The following ITGA8 variants were observed in gnomAD, a reference collection of about 807,000 sequenced individuals.
The protein encoded by ITGA8 is integrin subunit alpha 8, also known as integrin alpha-8.
Under a neutral mutation model 142.3 loss-of-function variants are expected in ITGA8, and 91 were observed. That is an observed-to-expected ratio of 0.64 (90% CI 0.54 to 0.76). ITGA8 has a LOEUF of 0.76. Among genes scored for constraint, ITGA8 ranks in the 30% least tolerant of loss-of-function variants. The pLI is 0.00. For synonymous variants in ITGA8, 505 were observed against 485.2 expected (o/e 1.04, Z -0.54); for missense variants, 1,406 against 1,327.7 (o/e 1.06, Z -0.92).
chr10:15,690,721 G>A (rs551419256), intron 2 of ITGA8, among the ~76,000 whole-genome samples: 10 of 152,056 alleles, frequency 6.6e-5, no homozygotes, highest in Non-Finnish European at 1.3e-4. Context: ...CTATCAAAAA[G>A]CCTAACAACT....
At chr10:15,519,967 A>G (rs1833026032) in intron 28 of ITGA8, among the ~76,000 whole-genome samples, 1 of 152,170 alleles carries the variant, frequency 6.6e-6, no homozygotes, top group African/African-American at 2.4e-5. Flanking sequence ...TAGTGTCAAT[A>G]CTAGGTCTCT....
intron 13 of ITGA8, among the ~76,000 whole-genome samples, chr10:15,631,285 T>A (rs543400565): frequency 6.6e-6 from 1 of 152,130 alleles, no homozygotes; most frequent in East Asian, 1.9e-4. Flanking sequence ...ATTGCAGCAC[T>A]ATTCACAATA....
Position 15,684,070 on chromosome 10 carries a change from C to G in ITGA8, c.502G>C (p.Val168Leu). ...TGAATTGCTACATAGCAGGTGCCAA[C>G]TGGGTCCTTTTCTGGTGTCGGTTTA... The part of the protein sequence containing the change: ...TLKPTPEKDP[V>L]GTCYVAIQNF... Residue 168 changes from valine to leucine, a missense_variant, in exon 4 of 30, where the codon GTT becomes CTT. By Grantham distance (32) the Val-to-Leu change is conservative. Coordinates refer to ENST00000378076, the MANE Select transcript of ITGA8 (RefSeq NM_003638.3). 1.2e-6 allele frequency: 2 copies of G among 1,614,198 alleles called. No individual in the cohort carries two copies. The highest frequency in any genetic ancestry group is 1.7e-6 in the Non-Finnish European group (2 of 1,180,012).
intron 13 of ITGA8, among the ~76,000 whole-genome samples, chr10:15,617,232 A>G (rs1431525696): frequency 6.6e-6 from 1 of 152,202 alleles, no homozygotes; most frequent in African/African-American, 2.4e-5. Flanking sequence ...ACAATTTTGC[A>G]AATGAGTCAA....
chr10:15,670,495 G>T (rs758846911), intron 8 of ITGA8, among the ~76,000 whole-genome samples: 5 of 152,100 alleles, frequency 3.3e-5, no homozygotes, highest in African/African-American at 9.7e-5. Flanking sequence ...AGCTGTTTCC[G>T]GTATGAATCT....
At chr10:15,687,576 T>C (rs1834854686) in intron 3 of ITGA8, among the ~76,000 whole-genome samples, 1 of 152,176 alleles carries the variant, frequency 6.6e-6, no homozygotes, top group African/African-American at 2.4e-5. Flanking sequence ...CAGATTAACT[T>C]AGCATCCTTA....
intron 13 of ITGA8, among the ~76,000 whole-genome samples, chr10:15,623,904 C>A (rs553725572): frequency 6.6e-6 from 1 of 152,232 alleles, no homozygotes; most frequent in South Asian, 2.1e-4. Context: ...CTCCACTAAT[C>A]TATTTTCCAG....
rs183997956 is a variant in ITGA8, at chr10:15,613,033, T to G, written c.1553+627A>C. 2.5e-3 allele frequency among the ~76,000 whole-genome samples: 386 copies of G among 152,172 alleles called. 2 individuals are homozygous for G. Among genetic ancestry groups the G allele is most frequent in the African/African-American group, 9.0e-3 (374 of 41,510 alleles). ...AAAATTAGCTGGGAATGATGGTGGG[T>G]GCCTGTAATTCCAGCTACTCAGGAG... On this transcript the variant is annotated intron_variant, in intron 15 of 29. Coordinates refer to ENST00000378076, the MANE Select transcript of ITGA8 (RefSeq NM_003638.3).
At chr10:15,596,856 TAG>T (rs1351692689) in intron 21 of ITGA8, 4 of 196,764 alleles carry the variant, frequency 2.0e-5, no homozygotes, top group Non-Finnish European at 4.2e-5. Context: ...TGGTTATTTT[TAG>T]AGTCTTTAAC....
intron 25 of ITGA8, among the ~76,000 whole-genome samples, chr10:15,570,680 A>G (rs1834164472): frequency 1.3e-5 from 2 of 151,804 alleles, no homozygotes; most frequent in Admixed American, 1.3e-4. Flanking sequence ...AGTATATACT[A>G]TGGCTTGGTT....
chr10:15,664,964 C>T (rs778357828), intron 8 of ITGA8, among the ~76,000 whole-genome samples: 64 of 152,160 alleles, frequency 4.2e-4, no homozygotes, highest in African/African-American at 1.2e-3. Flanking sequence ...TGAATAGAGC[C>T]GCAATAAACA....
chr10:15,669,293 T>C (rs898344505), intron 8 of ITGA8, among the ~76,000 whole-genome samples: 1 of 152,268 alleles, frequency 6.6e-6, no homozygotes, highest in Non-Finnish European at 1.5e-5. Flanking sequence ...TGATACCCTT[T>C]CTTCCAGTTG....
chr10:15,574,085 G>C (rs528947826), intron 24 of ITGA8, among the ~76,000 whole-genome samples: 10 of 152,208 alleles, frequency 6.6e-5, no homozygotes, highest in African/African-American at 2.4e-4. Flanking sequence ...GCTTCCTAAA[G>C]TGCTGGGATT....
chr10:15,637,517 T>TTTTTG (rs1554780458), intron 13 of ITGA8, among the ~76,000 whole-genome samples: 1 of 149,828 alleles, frequency 6.7e-6, no homozygotes. Context: ...TTTTTTTTTT[T>TTTTTG]TTTTTGTTTT....
At chr10:15,567,800 G>GC (rs1834105637) in intron 25 of ITGA8, among the ~76,000 whole-genome samples, 1 of 152,172 alleles carries the variant, frequency 6.6e-6, no homozygotes, top group Non-Finnish European at 1.5e-5. Context: ...ATCTCCTGCA[G>GC]CCCCCAGGCT....
At chr10:15,665,459 T>C (rs963146891) in intron 8 of ITGA8, among the ~76,000 whole-genome samples, 3 of 152,218 alleles carry the variant, frequency 2.0e-5, no homozygotes, top group African/African-American at 7.2e-5. Flanking sequence ...TTTCCCATTT[T>C]TTAGGTTGCC....
intron 6 of ITGA8, among the ~76,000 whole-genome samples, chr10:15,673,214 G>T (rs1308796624): frequency 1.3e-5 from 2 of 152,214 alleles, no homozygotes; most frequent in Non-Finnish European, 2.9e-5. Flanking sequence ...CTCCCAAGTA[G>T]CTGGGTCTGC....
At chr10:15,556,022 T>TTTC (rs1833882951) in intron 26 of ITGA8, among the ~76,000 whole-genome samples, 1 of 75,920 alleles carries the variant, frequency 1.3e-5, no homozygotes, top group Non-Finnish European at 2.9e-5. Flanking sequence ...CTCTCTCTTT[T>TTTC]TTTTTTTTTT....
At chr10:15,603,020 T>C (rs562700221) in intron 20 of ITGA8, among the ~76,000 whole-genome samples, 1 of 152,248 alleles carries the variant, frequency 6.6e-6, no homozygotes, top group South Asian at 2.1e-4. Context: ...ATGGATAACA[T>C]TTGATGACTT....
Sources: gnomAD v4.1 joint callset for allele counts (sites outside exome capture counted in the v4.1 genomes callset) on GRCh38, gnomAD v4.1.1 for gene constraint, MANE v1.5 for transcripts, NCBI Gene and HGNC (gene_info 2026-07-23, HGNC 2026-07-21) for gene names.